BET1: variants seen among roughly 807,000 people sequenced by gnomAD.
The protein encoded by BET1 is Bet1 golgi vesicular membrane trafficking protein, also known as BET1 homolog.
BET1 carries 9 observed loss-of-function variants against 13.9 expected under a neutral mutation model. The observed-to-expected ratio is 0.65, with a 90% CI of 0.39 to 1.13. The LOEUF (loss-of-function observed/expected upper bound fraction) is 1.13, where lower values mean the gene tolerates loss of function less well. Ranked by LOEUF, BET1 falls within the 50% of genes most tolerant of loss-of-function variation. The pLI is 0.01. For missense variants in BET1, 127 were observed against 133.6 expected (o/e 0.95, Z 0.24); for synonymous variants, 39 against 47.3 (o/e 0.82, Z 0.72).
chr7:93,968,339 C>T (rs1402058089), intron 6 of BET1: 1 of 151,726 alleles, frequency 6.6e-6, no homozygotes, highest in Admixed American at 6.6e-5. Context: ...CAAAACCATA[C>T]ATACAAAAGT....
At chr7:93,986,568 G>C (rs574537705) in intron 4 of BET1, among the ~76,000 whole-genome samples, 2 of 152,156 alleles carry the variant, frequency 1.3e-5, no homozygotes, top group Non-Finnish European at 2.9e-5. Context: ...ACTTGAATAC[G>C]TTCTTAATTT....
At chr7:93,972,706 T>C (rs1795275685) in intron 5 of BET1, 1 of 151,892 alleles carries the variant, frequency 6.6e-6, no homozygotes, top group Admixed American at 6.6e-5. Flanking sequence ...CCTATTATTT[T>C]TGATAGCCAT....
chr7:93,987,748 CTAAGA>C (rs1298340862), intron 4 of BET1, among the ~76,000 whole-genome samples: 1 of 152,116 alleles, frequency 6.6e-6, no homozygotes, highest in Non-Finnish European at 1.5e-5. Flanking sequence ...CATTTTAAAG[CTAAGA>C]TACTTGATTA....
chr7:93,972,560 C>T (rs1307966847), intron 6 of BET1: 1 of 151,672 alleles, frequency 6.6e-6, no homozygotes, highest in African/African-American at 2.4e-5. Flanking sequence ...CTCTTTCCGC[C>T]CCATTTCTGC....
chr7:93,998,586 C>G (rs541795546), intron 2 of BET1, among the ~76,000 whole-genome samples: 3 of 152,164 alleles, frequency 2.0e-5, no homozygotes, highest in East Asian at 3.9e-4. Flanking sequence ...GCAATCGCAG[C>G]TATTTGGGAG....
intron 3 of BET1, 110 bp downstream of exon 3, chr7:93,996,155 C>A (rs561997891): frequency 1.2e-6 from 1 of 809,018 alleles, no homozygotes. Flanking sequence ...TACAAATGGA[C>A]GGGAATCAAG....
chr7:93,982,509 T>G (rs1795445753), intron 4 of BET1, among the ~76,000 whole-genome samples: 1 of 152,170 alleles, frequency 6.6e-6, no homozygotes, highest in African/African-American at 2.4e-5. Flanking sequence ...TGGGCTTGGA[T>G]AATAAAGATT....
intron 4 of BET1, among the ~76,000 whole-genome samples, chr7:93,977,671 C>T (rs1040031359): frequency 6.6e-6 from 1 of 152,082 alleles, no homozygotes; most frequent in African/African-American, 2.4e-5. Flanking sequence ...CACAGGGGCA[C>T]TCTATGCAGA....
exon 7 of BET1, chr7:93,963,520 G>A (rs1348248437): frequency 5.3e-5 from 8 of 152,002 alleles, no homozygotes; most frequent in African/African-American, 1.7e-4. Flanking sequence ...TTCACTGAGG[G>A]AAGGATCTTA....
chr7:93,980,697 C>T (rs1795412802), intron 4 of BET1, among the ~76,000 whole-genome samples: 1 of 152,098 alleles, frequency 6.6e-6, no homozygotes, highest in South Asian at 2.1e-4. Flanking sequence ...TCCTTTAGGA[C>T]CCAGAACAAG....
chr7:93,986,795 A>G (rs1340464842), intron 4 of BET1, among the ~76,000 whole-genome samples: 1 of 152,224 alleles, frequency 6.6e-6, no homozygotes, highest in Non-Finnish European at 1.5e-5. Flanking sequence ...AAAAATTCCT[A>G]TAATCTAGTG....
intron 4 of BET1, among the ~76,000 whole-genome samples, chr7:93,985,497 A>G (rs962311678): frequency 6.6e-6 from 1 of 152,218 alleles, no homozygotes; most frequent in African/African-American, 2.4e-5. Context: ...GCTGGTATAT[A>G]ACAGAATAAT....
intron 6 of BET1, among the ~76,000 whole-genome samples, chr7:93,970,194 G>T (rs1795238033): frequency 1.3e-5 from 2 of 151,862 alleles, no homozygotes; most frequent in South Asian, 4.2e-4. Flanking sequence ...ATTTTGCAAA[G>T]AATATTCACC....
chr7:94,001,516 G>T (rs896228333), intron 1 of BET1, among the ~76,000 whole-genome samples: 2 of 152,112 alleles, frequency 1.3e-5, no homozygotes, highest in African/African-American at 4.8e-5. Flanking sequence ...TTTCCAAACA[G>T]AAGAGAGTTG....
At chr7:93,964,873 T>C (rs1442060769) in exon 7 of BET1, 2 of 152,080 alleles carry the variant, frequency 1.3e-5, no homozygotes, top group Non-Finnish European at 2.9e-5. Flanking sequence ...ACATAGTTGG[T>C]AGGAATGTAA....
intron 4 of BET1, among the ~76,000 whole-genome samples, chr7:93,984,516 A>G (rs552956466): frequency 1.3e-5 from 2 of 152,146 alleles, no homozygotes; most frequent in African/African-American, 2.4e-5. Context: ...CTTCTACTGA[A>G]GAAGGCCACT....
intron 6 of BET1, among the ~76,000 whole-genome samples, chr7:93,966,668 G>A (rs1795179144): frequency 6.6e-6 from 1 of 151,552 alleles, no homozygotes; most frequent in African/African-American, 2.4e-5. Context: ...TTCCTTTTGG[G>A]AATGTCATAA....
At chr7:93,971,131 G>T (rs1221951844) in intron 6 of BET1, among the ~76,000 whole-genome samples, 6 of 151,732 alleles carry the variant, frequency 4.0e-5, no homozygotes, top group Non-Finnish European at 7.4e-5. Flanking sequence ...AAATTCAATA[G>T]ATTAAAATAT....
At chr7:93,996,725 A>C (rs1271260252) in intron 2 of BET1, among the ~76,000 whole-genome samples, 1 of 149,494 alleles carries the variant, frequency 6.7e-6, no homozygotes, top group African/African-American at 2.4e-5. Context: ...TTATATATAT[A>C]TATTTTAACT....
Sources: allele counts gnomAD v4.1 joint callset (sites outside exome capture counted in the v4.1 genomes callset), GRCh38; gene constraint gnomAD v4.1.1; transcripts MANE v1.5; gene names NCBI Gene and HGNC (gene_info 2026-07-23, HGNC 2026-07-21).